COL11A1: variants seen among roughly 807,000 people sequenced by gnomAD.
The protein encoded by COL11A1 is collagen type XI alpha 1 chain.
COL11A1 carries 74 observed loss-of-function variants against 265.2 expected under a neutral mutation model. The ratio of observed to expected loss-of-function variants is 0.28; its 90% CI spans 0.23 to 0.34. The LOEUF is 0.34. COL11A1 is among the 10% of genes least tolerant of loss of function. The pLI is 1.00. For missense variants in COL11A1, 2,165 were observed against 2,263.6 expected (o/e 0.96, Z 0.88); for synonymous variants, 816 against 727.6 (o/e 1.12, Z -1.96).
At chr1:102,935,719 C>T (rs1461686678) in intron 44 of COL11A1, among the ~76,000 whole-genome samples, 2 of 152,116 alleles carry the variant, frequency 1.3e-5, no homozygotes, top group East Asian at 3.8e-4. Flanking sequence ...AGTAACGGGT[C>T]AGGCAATATA....
intron 65 of COL11A1, among the ~76,000 whole-genome samples, chr1:102,880,516 G>A (rs1650100760): frequency 2.6e-5 from 4 of 152,124 alleles, no homozygotes; most frequent in Admixed American, 6.5e-5. Context: ...CAGGCATAAT[G>A]TGCAAGACAA....
intron 4 of COL11A1, among the ~76,000 whole-genome samples, chr1:103,051,658 A>T (rs1260332630): frequency 1.3e-5 from 2 of 152,180 alleles, no homozygotes; most frequent in Admixed American, 1.3e-4. Flanking sequence ...CCGGTACCTC[A>T]GTTGGAAATG....
intron 42 of COL11A1, 87 bp downstream of exon 42, chr1:102,946,762 G>A: frequency 1.0e-6 from 1 of 1,003,354 alleles, no homozygotes; most frequent in Non-Finnish European, 1.5e-6. Flanking sequence ...GAATACGGTG[G>A]TGTATGAAAA....
intron 51 of COL11A1, 39 bp downstream of exon 51, chr1:102,914,665 G>T: frequency 2.1e-6 from 3 of 1,460,504 alleles, no homozygotes; most frequent in Non-Finnish European, 2.9e-6. Flanking sequence ...AGGTGAGTTT[G>T]GCATAAATGC....
At chr1:103,071,098 A>C (rs1671550371) in intron 4 of COL11A1, among the ~76,000 whole-genome samples, 1 of 152,024 alleles carries the variant, frequency 6.6e-6, no homozygotes. Context: ...AGTTTAAAAA[A>C]ATGCAAAATG....
chr1:103,017,396 G>T (rs1467380615), intron 11 of COL11A1, among the ~76,000 whole-genome samples: 1 of 152,030 alleles, frequency 6.6e-6, no homozygotes, highest in Admixed American at 6.6e-5. Flanking sequence ...GAAGAGTTTG[G>T]AGAGACTTAA....
chr1:102,981,377 T>C (rs1021065338), intron 31 of COL11A1, among the ~76,000 whole-genome samples: 1 of 148,276 alleles, frequency 6.7e-6, no homozygotes, highest in East Asian at 1.9e-4. Flanking sequence ...TATAATACAG[T>C]ATGAAAATAA....
chr1:103,094,327 T>G (rs1673568078), intron 1 of COL11A1, among the ~76,000 whole-genome samples: 1 of 152,174 alleles, frequency 6.6e-6, no homozygotes, highest in Admixed American at 6.6e-5. Context: ...TTAGACAATC[T>G]GGCAGAAGTG....
chr1:103,079,665 T>G (rs1672247566), intron 2 of COL11A1, among the ~76,000 whole-genome samples: 2 of 152,016 alleles, frequency 1.3e-5, no homozygotes, highest in Non-Finnish European at 2.9e-5. Context: ...TTCAAAATAG[T>G]TTTACAAATA....
chr1:103,050,310 T>C (rs1323239859), intron 4 of COL11A1, among the ~76,000 whole-genome samples: 2 of 152,180 alleles, frequency 1.3e-5, no homozygotes, highest in Non-Finnish European at 2.9e-5. Context: ...CTTTTTATTC[T>C]TTTTTCTCTA....
chr1:103,047,789 T>C (rs1247414007), intron 4 of COL11A1, among the ~76,000 whole-genome samples: 1 of 152,212 alleles, frequency 6.6e-6, no homozygotes, highest in Non-Finnish European at 1.5e-5. Context: ...CAATACCTAA[T>C]TTATTGAGAG....
rs1663310888 is a variant in COL11A1 at position 102,984,161 on chromosome 1, A to G, written c.2533T>C (p.Tyr845His). The G allele has an allele frequency of 6.2e-7, 1 of 1,601,300 alleles. No homozygotes were observed. The highest frequency in any genetic ancestry group is 8.5e-7 in the Non-Finnish European group (1 of 1,170,284). Residue 845 changes from tyrosine to histidine, a missense_variant, in exon 31 of 67, where the codon TAT becomes CAT. Tyr to His is a moderately conservative substitution (Grantham distance 83). Coordinates refer to ENST00000370096, the MANE Select transcript of COL11A1 (RefSeq NM_001854.4). ...GKLGVPGLPG[Y>H]PGRQGPKGST... ...ACCTTTGGACCTTGTCTTCCTGGAT[A>G]TCCTGGTAATCCTGGAACTCCAAGT... is the stretch of plus-strand genomic sequence containing the variant.
At chr1:102,888,803 T>C (rs755666450) in intron 60 of COL11A1, 45 bp from the exon 61 acceptor site, 2 of 1,613,296 alleles carry the variant, frequency 1.2e-6, no homozygotes, top group Non-Finnish European at 1.7e-6. Context: ...TCTGGAGCAT[T>C]TGTGTCTCTG....
rs1219186043 is a variant in COL11A1 at position 102,922,557 on chromosome 1, C to T, written c.3654+779G>A. On this transcript the variant is annotated intron_variant, in intron 47 of 66. Coordinates refer to ENST00000370096, the MANE Select transcript of COL11A1 (RefSeq NM_001854.4). ...GACTACAGGCACACGCCACCATGCC[C>T]GGCTAATTTTGTTTTGTATTTTTAG... Among the ~76,000 whole-genome samples, 5 of 152,184 alleles carry T rather than the reference C, an allele frequency of 3.3e-5. No individual in the cohort carries two copies. The East Asian group carries it at 5.8e-4, about 18-fold the overall frequency.
rs1342951616 is a variant in COL11A1, at chr1:103,026,301, T to C, written c.812A>G (p.Tyr271Cys). ...YAPEDIIEYDYEYGEAEYKEA... is the reference protein window; with the variant it reads ...YAPEDIIEYDCEYGEAEYKEA... The stretch of plus-strand genomic sequence containing the variant: ...TTTATACTCTGCTTCCCCATACTCA[T>C]AGTCATATTCGATTATATCCTCTGG... The change falls in exon 6 of 67, where the codon TAT becomes TGT. Residue 271 changes from tyrosine (Y) to cysteine (C), a missense_variant. Tyr to Cys is a radical substitution (Grantham distance 194). Transcript: ENST00000370096. 2 of 1,613,508 alleles carry C rather than the reference T, an allele frequency of 1.2e-6. No individual in the cohort carries two copies. Among genetic ancestry groups the C allele is most frequent in the African/African-American group, 1.3e-5 (1 of 75,024 alleles).
intron 37 of COL11A1, among the ~76,000 whole-genome samples, chr1:102,969,377 A>G (rs1661738888): frequency 6.6e-6 from 1 of 152,228 alleles, no homozygotes; most frequent in Non-Finnish European, 1.5e-5. Flanking sequence ...TTTCAACCAC[A>G]TAGTCAAAGG....
intron 54 of COL11A1, among the ~76,000 whole-genome samples, chr1:102,901,625 C>T (rs1018651134): frequency 1.3e-5 from 2 of 152,202 alleles, no homozygotes; most frequent in African/African-American, 4.8e-5. Flanking sequence ...TCTTGCTGCA[C>T]TTTGATGAAG....
chr1:103,082,264 A>G (rs921201945), intron 2 of COL11A1, among the ~76,000 whole-genome samples: 3 of 152,174 alleles, frequency 2.0e-5, no homozygotes, highest in Non-Finnish European at 2.9e-5. Context: ...TATATTTTAG[A>G]TAAGAGCGGC....
At chr1:103,087,631 G>A (rs921943283) in intron 1 of COL11A1, among the ~76,000 whole-genome samples, 1 of 152,080 alleles carries the variant, frequency 6.6e-6, no homozygotes, top group African/African-American at 2.4e-5. Context: ...CATGTTCTCT[G>A]GCTTGCTTCT....
Sources: gnomAD v4.1 joint callset for allele counts (sites outside exome capture counted in the v4.1 genomes callset) on GRCh38, gnomAD v4.1.1 for gene constraint, MANE v1.5 for transcripts, NCBI Gene and HGNC (gene_info 2026-07-23, HGNC 2026-07-21) for gene names.